DENND4C: variants seen among roughly 807,000 people sequenced by gnomAD.
DENND4C encodes DENN domain containing 4C, also known as DENN domain-containing protein 4C.
A neutral mutation model predicts 203.0 loss-of-function variants in DENND4C; 108 were observed. That is an observed-to-expected ratio of 0.53 (90% confidence interval 0.46 to 0.62). DENND4C has a LOEUF of 0.62. Ranked by LOEUF, DENND4C falls within the 20% of genes least tolerant of loss-of-function variation. The pLI is 0.00. For missense variants in DENND4C, 2,481 were observed against 2,301.2 expected, an observed-to-expected ratio of 1.08 and a Z score of -1.60; for synonymous variants, 871 against 792.4, an observed-to-expected ratio of 1.10 and a Z score of -1.67.
At chr9:19,259,026 G>A (rs1328996809) in intron 1 of DENND4C, among the ~76,000 whole-genome samples, 1 of 152,056 alleles carries the variant, frequency 6.6e-6, no homozygotes, top group Non-Finnish European at 1.5e-5. Context: ...TTTGATACAG[G>A]CATACAGTGT....
rs552047310 is a variant in DENND4C, at chr9:19,343,735, G to A, written c.3151+956G>A. On this transcript the variant is annotated intron_variant, in intron 22 of 32. Transcript: ENST00000434457. Reference sequence around the variant, plus strand: ...GGAAAAGGAGGGAAGAGTTTTCTTCGTCAGAGGCTTAGAATCCTCTCAAAA... The same window carrying A: ...GGAAAAGGAGGGAAGAGTTTTCTTCATCAGAGGCTTAGAATCCTCTCAAAA... Among the ~76,000 whole-genome samples the A allele has an allele frequency of 5.9e-5, 9 of 152,310 alleles. No individual in the cohort carries two copies. In the East Asian group the frequency reaches 7.7e-4, roughly 13 times the overall value.
At chr9:19,329,194 G>A (rs886067034) in intron 16 of DENND4C, among the ~76,000 whole-genome samples, 1 of 152,058 alleles carries the variant, frequency 6.6e-6, no homozygotes, top group Non-Finnish European at 1.5e-5. Flanking sequence ...CCAAAAGAAA[G>A]TTTGCATCCT....
At position 19,369,886 on chromosome 9, in the gene DENND4C, C is replaced by T. The variant is rs746398562; in HGVS notation, c.5574C>T (p.Ser1858=). ...TGTCAGAGGAACAACAAGAAACAAG[C>T]ACTTTAGTAGAAACCATCAGGCAGA... is the stretch of plus-strand genomic sequence containing the variant. ...SLLSEEQQET[S]TLVETIRQSI... is the part of the protein sequence containing the mutation. Residue 1858 remains serine (S), a synonymous_variant, in exon 31 of 33, where the codon AGC becomes AGT. Coordinates refer to ENST00000434457, the MANE Select transcript of DENND4C (RefSeq NM_001330640.2). 11 of 1,611,116 alleles carry T rather than the reference C, an allele frequency of 6.8e-6. No individual in the cohort carries two copies. The highest frequency in any genetic ancestry group is 1.7e-5 in the Admixed American group (1 of 59,692).
intron 9 of DENND4C, among the ~76,000 whole-genome samples, chr9:19,304,416 A>T (rs571455540): frequency 6.7e-4 from 102 of 151,930 alleles, no homozygotes; most frequent in Non-Finnish European, 1.2e-3. Context: ...ACTTCTGACC[A>T]CAAGTGATCC....
intron 2 of DENND4C, among the ~76,000 whole-genome samples, chr9:19,277,544 T>TC (rs1342881819): frequency 6.6e-6 from 1 of 152,194 alleles, no homozygotes; most frequent in African/African-American, 2.4e-5. Context: ...ATTTATTAGT[T>TC]CTAATAACTT....
chr9:19,358,534 T>C lies in DENND4C; in HGVS notation c.5160+374T>C, dbSNP rs544621352. On this transcript the variant is annotated intron_variant, in intron 28 of 32. Coordinates refer to ENST00000434457, the MANE Select transcript of DENND4C (RefSeq NM_001330640.2). This position sits in a 1 kb window ranked among gnomAD's most constrained non-coding sequence, Gnocchi z 4.8. ...TAGAAAAATATAATCACACTGCTTT[T>C]ATCATACAAAAAAAACCCCAAATAA... is the stretch of plus-strand genomic sequence containing the variant. Among the ~76,000 whole-genome samples, 6 of 152,052 alleles carry C rather than the reference T, an allele frequency of 3.9e-5. No individual in the cohort carries two copies. In the South Asian group the frequency reaches 1.0e-3, roughly 26 times the overall value.
At chr9:19,288,784 A>T (rs1440080876) in intron 4 of DENND4C, 119 bp downstream of exon 4, 1 of 480,714 alleles carries the variant, frequency 2.1e-6, no homozygotes, top group Non-Finnish European at 3.3e-6. Flanking sequence ...TATTCATAAA[A>T]TTATCTATAA....
rs370968840 is a variant in DENND4C, at chr9:19,358,044, G to C, written c.5044G>C (p.Val1682Leu). ...SVPNSLSKRN[V>L]SLTRSHSVGG... Reference sequence around the variant, plus strand: ...GCCTAATAGTTTATCAAAGCGAAATGTGTCTTTGACTCGAAGTCACAGTGT... The same window carrying C: ...GCCTAATAGTTTATCAAAGCGAAATCTGTCTTTGACTCGAAGTCACAGTGT... Residue 1682 changes from valine to leucine, a missense_variant, in exon 28 of 33, where the codon GTG becomes CTG. By Grantham distance (32) the Val-to-Leu change is conservative (BLOSUM62 1). Transcript: ENST00000434457. This position sits in a 1 kb window ranked among gnomAD's most constrained non-coding sequence, Gnocchi z 4.8. 5.6e-6 allele frequency: 9 copies of C among 1,613,754 alleles called. No homozygotes were observed. The highest frequency in any genetic ancestry group is 6.8e-6 in the Non-Finnish European group (8 of 1,179,804).
chr9:19,342,013 A>G (rs1225849942), intron 21 of DENND4C, among the ~76,000 whole-genome samples: 2 of 151,600 alleles, frequency 1.3e-5, no homozygotes, highest in Non-Finnish European at 2.9e-5. Flanking sequence ...AATCCCAGGT[A>G]CTGGGGAGGC....
intron 1 of DENND4C, among the ~76,000 whole-genome samples, chr9:19,273,222 A>G (rs1303929340): frequency 2.0e-5 from 3 of 151,838 alleles, no homozygotes; most frequent in Non-Finnish European, 4.4e-5. Flanking sequence ...AAGTGCTGGT[A>G]TTACAGGCGT....
At chr9:19,308,448 C>A (rs933983238) in intron 10 of DENND4C, among the ~76,000 whole-genome samples, 3 of 152,064 alleles carry the variant, frequency 2.0e-5, no homozygotes, top group Non-Finnish European at 2.9e-5. Flanking sequence ...TATCTTTGTG[C>A]CCCTTGGTTT....
At chr9:19,351,974 C>T in intron 24 of DENND4C, 99 bp from the exon 25 acceptor site, 1 of 901,316 alleles carries the variant, frequency 1.1e-6, no homozygotes. Flanking sequence ...AAAACAGTTG[C>T]AGACTTTATT....
intron 10 of DENND4C, among the ~76,000 whole-genome samples, chr9:19,306,259 A>G (rs947034936): frequency 6.6e-6 from 1 of 152,174 alleles, no homozygotes; most frequent in Non-Finnish European, 1.5e-5. Flanking sequence ...GAAGAGAGAA[A>G]TATTTTGGGT....
At chr9:19,356,162 A>C (rs1472571379) in intron 26 of DENND4C, among the ~76,000 whole-genome samples, 1 of 151,958 alleles carries the variant, frequency 6.6e-6, no homozygotes, top group African/African-American at 2.4e-5. Flanking sequence ...TTAGTCTATC[A>C]CCTATCTGTC....
At chr9:19,351,816 AAAAG>A (rs1824202497) in intron 24 of DENND4C, among the ~76,000 whole-genome samples, 1 of 147,686 alleles carries the variant, frequency 6.8e-6, no homozygotes, top group Admixed American at 6.6e-5. Flanking sequence ...AAAAAAAAAA[AAAAG>A]AAAAGAAAAA....
chr9:19,272,103 T>C (rs939233324), intron 1 of DENND4C, among the ~76,000 whole-genome samples: 2 of 151,854 alleles, frequency 1.3e-5, no homozygotes, highest in African/African-American at 4.8e-5. Context: ...GAAAGGATAG[T>C]ATTTTTTTTT....
chr9:19,296,390 AGTATTG>A (rs1837469846), intron 6 of DENND4C, 144 bp downstream of exon 6: 1 of 590,512 alleles, frequency 1.7e-6, no homozygotes, highest in African/African-American at 2.1e-5. Flanking sequence ...TTTGAGATGG[AGTATTG>A]CTCTGTCACC....
At chr9:19,288,003 G>T (rs961415813) in intron 3 of DENND4C, among the ~76,000 whole-genome samples, 1 of 152,264 alleles carries the variant, frequency 6.6e-6, no homozygotes, top group African/African-American at 2.4e-5. Flanking sequence ...CAAAGTGCTG[G>T]GATTACAGGC....
At chr9:19,252,269 A>G (rs1010877839) in intron 1 of DENND4C, among the ~76,000 whole-genome samples, 26 of 152,148 alleles carry the variant, frequency 1.7e-4, no homozygotes, top group Admixed American at 1.7e-3. Flanking sequence ...CGTGAGACTT[A>G]TTCACTTCCA....
Sources: gnomAD v4.1 joint callset for allele counts (sites outside exome capture counted in the v4.1 genomes callset) on GRCh38, gnomAD v4.1.1 for gene constraint, Gnocchi (gnomAD v3.1) non-coding constraint, MANE v1.5 for transcripts, NCBI Gene and HGNC (gene_info 2026-07-23, HGNC 2026-07-21) for gene names.